The following SPAG17 variants were observed in gnomAD, a reference collection of about 807,000 sequenced individuals.
The protein encoded by SPAG17 is sperm-associated antigen 17.
In SPAG17, 169 loss-of-function variants were observed where a neutral mutation model predicts 273.6. That is an observed-to-expected ratio of 0.62 (90% CI 0.55 to 0.70). SPAG17 has a LOEUF of 0.70. Among genes scored for constraint, SPAG17 ranks in the 30% least tolerant of loss-of-function variants. The probability of loss-of-function intolerance (pLI) is 0.00; values close to 1 mark genes in which losing one functional copy is unlikely to be tolerated. For synonymous variants in SPAG17, 825 were observed against 873.2 expected, an observed-to-expected ratio of 0.94 and a Z score of 0.97; for missense variants, 2,557 against 2,627.8, an observed-to-expected ratio of 0.97 and a Z score of 0.59.
At chr1:118,081,725 C>T in intron 13 of SPAG17, 83 bp from the exon 14 acceptor site, 1 of 1,157,854 alleles carries the variant, frequency 8.6e-7, no homozygotes. Context: ...ACCAGGGAGT[C>T]TGTCTACCAG....
intron 3 of SPAG17, among the ~76,000 whole-genome samples, chr1:118,148,276 C>T (rs994394992): frequency 3.9e-5 from 6 of 152,172 alleles, no homozygotes; most frequent in African/African-American, 1.4e-4. Context: ...AAGAATGAAG[C>T]CACTGACTTC....
At chr1:118,004,681 T>C (rs2101732513) in intron 32 of SPAG17, among the ~76,000 whole-genome samples, 1 of 152,340 alleles carries the variant, frequency 6.6e-6, no homozygotes, top group Admixed American at 6.5e-5. Flanking sequence ...GCACAGTATT[T>C]GGGCAGGAAT....
chr1:118,051,712 T>C (rs1651036156), intron 20 of SPAG17, among the ~76,000 whole-genome samples: 1 of 145,978 alleles, frequency 6.9e-6, no homozygotes, highest in Non-Finnish European at 1.5e-5. Context: ...TTATAATATA[T>C]AGTATAATTA....
intron 3 of SPAG17, among the ~76,000 whole-genome samples, chr1:118,123,064 G>A (rs1301560775): frequency 3.9e-5 from 6 of 152,210 alleles, no homozygotes; most frequent in Non-Finnish European, 8.8e-5. Flanking sequence ...TTTTGGTGCA[G>A]TGTATAATGG....
rs1651008285 is a variant in SPAG17 at position 118,051,533 on chromosome 1, A to G, written c.2814+2469T>C. 4.8e-5 allele frequency among the ~76,000 whole-genome samples: 6 copies of G among 124,690 alleles called. No homozygotes were observed. In the South Asian group the frequency reaches 1.0e-3, roughly 21 times the overall value. 81.8% of individuals were successfully genotyped at this position (124,690 alleles called of 152,430 possible). On this transcript the variant is annotated intron_variant, in intron 20 of 48. Transcript: ENST00000336338. The stretch of plus-strand genomic sequence containing the variant: ...TCCATCAACAGATAAATGAATAAAG[A>G]AAATTTGAGATACACACACACACAC...
At chr1:118,070,472 G>T (rs1653464086) in intron 17 of SPAG17, among the ~76,000 whole-genome samples, 1 of 152,194 alleles carries the variant, frequency 6.6e-6, no homozygotes, top group Non-Finnish European at 1.5e-5. Flanking sequence ...CAGAGGGGAA[G>T]AGGGTAACTA....
intron 1 of SPAG17, among the ~76,000 whole-genome samples, chr1:118,183,793 C>T (rs1240145298): frequency 6.6e-6 from 1 of 152,138 alleles, no homozygotes; most frequent in Admixed American, 6.5e-5. Flanking sequence ...CACTCCAAGA[C>T]CAAACTTGGC....
chr1:118,155,556 TG>T (rs1659608510), intron 1 of SPAG17, among the ~76,000 whole-genome samples: 1 of 152,184 alleles, frequency 6.6e-6, no homozygotes. Context: ...CCTGTGTCCC[TG>T]AAGGACTCGA....
chr1:117,996,785 C>A, intron 32 of SPAG17, 42 bp from the exon 33 acceptor site: 1 of 1,546,926 alleles, frequency 6.5e-7, no homozygotes, highest in South Asian at 1.3e-5. Flanking sequence ...AAAAGAAAGT[C>A]ATAATGCTTA....
At chr1:118,060,215 G>T (rs1652132729) in intron 18 of SPAG17, among the ~76,000 whole-genome samples, 1 of 151,664 alleles carries the variant, frequency 6.6e-6, no homozygotes, top group Admixed American at 6.6e-5. Context: ...TTTGCTTTGT[G>T]GTTACATAAA....
chr1:117,960,589 G>A (rs527495118), intron 48 of SPAG17: 168 of 152,248 alleles, frequency 1.1e-3, no homozygotes, highest in African/African-American at 3.9e-3. Context: ...CAGTTTACTG[G>A]GGCGATGAGT....
In SPAG17 at chr1:118,099,774, G is replaced by A. The variant is rs756244720; in HGVS notation, c.661C>T (p.His221Tyr). The change falls in exon 6 of 49, where the codon CAT becomes TAT. Residue 221 changes from histidine (H) to tyrosine (Y), a missense_variant. Physicochemically the swap from His to Tyr is moderately conservative, Grantham distance 83. Transcript: ENST00000336338. ...TTAAAGCCCACAACTATAATGTAAT[G>A]TTGGGCACCATCATCTGGCTCATCG... The part of the protein sequence containing the change: ...IDDEPDDGAQ[H>Y]YIIVVGFNNP... The A allele has an allele frequency of 1.1e-5, 18 of 1,612,640 alleles. No homozygotes were observed. The highest frequency in any genetic ancestry group is 1.4e-5 in the Non-Finnish European group (16 of 1,179,874).
At chr1:118,083,035 A>G (rs1436744243) in intron 13 of SPAG17, among the ~76,000 whole-genome samples, 2 of 152,108 alleles carry the variant, frequency 1.3e-5, no homozygotes, top group Non-Finnish European at 2.9e-5. Context: ...TTTTTGAGAC[A>G]GGTTCACCCA....
chr1:118,102,019 A>C (rs1012032637), intron 4 of SPAG17, 93 bp from the exon 5 acceptor site: 75 of 1,033,034 alleles, frequency 7.3e-5, no homozygotes, highest in Non-Finnish European at 9.9e-5. Context: ...ATCTCATTCA[A>C]TCACTTGTAT....
At chr1:118,044,043 A>G (rs1455718518) in intron 20 of SPAG17, among the ~76,000 whole-genome samples, 1 of 152,186 alleles carries the variant, frequency 6.6e-6, no homozygotes, top group African/African-American at 2.4e-5. Context: ...GGGTAGCTAT[A>G]TGGAATTTAC....
intron 1 of SPAG17, among the ~76,000 whole-genome samples, chr1:118,170,851 C>T (rs1301116510): frequency 1.3e-5 from 2 of 152,100 alleles, no homozygotes; most frequent in Admixed American, 6.6e-5. Flanking sequence ...ATTTGGTTAT[C>T]TTGTGGGATA....
At chr1:118,116,934 A>T (rs942560756) in intron 3 of SPAG17, among the ~76,000 whole-genome samples, 2 of 152,208 alleles carry the variant, frequency 1.3e-5, no homozygotes, top group Admixed American at 6.5e-5. Context: ...GCAGAAAAAC[A>T]TAGCAGTACA....
In SPAG17 at chr1:118,055,712, T is replaced by C. The variant is rs939079034; in HGVS notation, c.2722+21A>G. 6 of 1,550,262 alleles carry C rather than the reference T, an allele frequency of 3.9e-6. No homozygotes were observed. The African/African-American group carries it at 5.5e-5, about 14-fold the overall frequency. Reference sequence around the variant, plus strand: ...ACGTTCTTGAATTTTATTCTACGTATAAGTTGAACTGGTTACTTACTTTTA... The same window carrying C: ...ACGTTCTTGAATTTTATTCTACGTACAAGTTGAACTGGTTACTTACTTTTA... On this transcript the variant is annotated intron_variant, in intron 19 of 48. Coordinates refer to ENST00000336338, the MANE Select transcript of SPAG17 (RefSeq NM_206996.4).
intron 1 of SPAG17, among the ~76,000 whole-genome samples, chr1:118,157,268 TAAG>T (rs1401621513): frequency 1.3e-5 from 2 of 152,256 alleles, no homozygotes; most frequent in Non-Finnish European, 1.5e-5. Context: ...GAGAAAATAT[TAAG>T]GAGGGCAAAG....
Sources: allele counts gnomAD v4.1 joint callset (sites outside exome capture counted in the v4.1 genomes callset), GRCh38; gene constraint gnomAD v4.1.1; transcripts MANE v1.5; gene names NCBI Gene and HGNC (gene_info 2026-07-23, HGNC 2026-07-21).